ING5: variants seen among roughly 807,000 people sequenced by gnomAD.
ING5 encodes the protein inhibitor of growth protein 5.
ING5 carries 17 observed loss-of-function variants against 37.4 expected under a neutral mutation model. That is an observed-to-expected ratio of 0.45 (90% CI 0.31 to 0.68). The LOEUF is 0.68. Ranked by LOEUF, ING5 falls within the 30% of genes least tolerant of loss-of-function variation. ING5 has a pLI of 0.05. For synonymous variants in ING5, 123 were observed against 116.6 expected (o/e 1.06, Z -0.36); for missense variants, 233 against 311.9 (o/e 0.75, Z 1.91).
At chr2:241,702,822 A>G (rs2069785606) in intron 1 of ING5, among the ~76,000 whole-genome samples, 1 of 152,202 alleles carries the variant, frequency 6.6e-6, no homozygotes, top group African/African-American at 2.4e-5. Flanking sequence ...CCGCTCGTAG[A>G]GGGGCAGACC....
intron 5 of ING5, chr2:241,719,516 C>A: frequency 6.5e-7 from 1 of 1,532,694 alleles, no homozygotes; most frequent in Non-Finnish European, 8.7e-7. Flanking sequence ...CTGCTCCTTC[C>A]TGCTCGGAAC....
Position 241,726,660 on chromosome 2 carries a change from C to CA in ING5, c.*1630dup, listed in dbSNP as rs1366307274. On this transcript the variant is annotated 3_prime_UTR_variant, in exon 8 of 8. Transcript: ENST00000313552. ...GGCCACTGCTGCTGCTCGTCCCTGC[C>CA]AGTGTCTGGGCCTGAAGGGGCTCCC... 6.6e-6 allele frequency: 1 copy of CA among 152,516 alleles called. No homozygotes were observed. The highest frequency in any genetic ancestry group is 1.5e-5 in the Non-Finnish European group (1 of 68,264). 9.4% of individuals were successfully genotyped at this position (152,516 alleles called of 1,614,324 possible).
intron 4 of ING5, 53 bp downstream of exon 4, chr2:241,711,541 T>G: frequency 8.0e-7 from 1 of 1,250,756 alleles, no homozygotes; most frequent in Non-Finnish European, 1.1e-6. Flanking sequence ...TATGGAGTTT[T>G]GAAGAGTTTT....
chr2:241,691,235 TCAA>T (rs2069549459), intron 2 of ING5, among the ~76,000 whole-genome samples: 3 of 149,068 alleles, frequency 2.0e-5, no homozygotes, highest in Non-Finnish European at 4.5e-5. Flanking sequence ...GGTCAGGAGT[TCAA>T]GACCAGCCTA....
intron 1 of ING5, among the ~76,000 whole-genome samples, chr2:241,702,371 C>CT (rs1221725866): frequency 4.8e-5 from 7 of 147,310 alleles, no homozygotes; most frequent in Admixed American, 1.3e-4. Context: ...CTGGGCGGGG[C>CT]TTGCGGCCTC....
chr2:241,697,615 T>C (rs1215506754), upstream of ING5, among the ~76,000 whole-genome samples: 1 of 151,982 alleles, frequency 6.6e-6, no homozygotes, highest in East Asian at 1.9e-4. Context: ...TCCAATTACA[T>C]GACATTCTGG....
At chr2:241,720,434 C>T in intron 5 of ING5, 1 of 1,080,838 alleles carries the variant, frequency 9.3e-7, no homozygotes, top group Non-Finnish European at 1.1e-6. Flanking sequence ...TCCTGGAATG[C>T]AGTGTTCCTA....
At chr2:241,688,874 C>T (rs1250551349) in intron 1 of ING5, among the ~76,000 whole-genome samples, 2 of 152,160 alleles carry the variant, frequency 1.3e-5, no homozygotes, top group Non-Finnish European at 2.9e-5. Context: ...TCTTGGCTCA[C>T]TGCAAGCTCC....
At chr2:241,713,359 A>C (rs2070175591) in intron 5 of ING5, among the ~76,000 whole-genome samples, 3 of 134,740 alleles carry the variant, frequency 2.2e-5, no homozygotes, top group African/African-American at 2.8e-5. Flanking sequence ...CACCCGACCC[A>C]ATTTTCAGTT....
exon 1 of ING5, chr2:241,687,331 G>C (rs1479129187): frequency 7.5e-6 from 3 of 398,592 alleles, no homozygotes; most frequent in African/African-American, 2.1e-5. Flanking sequence ...GCTCAGCCGG[G>C]GCTCCTCCCA....
chr2:241,687,462 T>C, exon 1 of ING5: 1 of 398,458 alleles, frequency 2.5e-6, no homozygotes, highest in Non-Finnish European at 4.4e-6. Context: ...ATGGGATCGA[T>C]AAATGTTCAC....
At position 241,723,177 on chromosome 2, in the gene ING5, G is replaced by T. The variant is rs747584293; in HGVS notation, c.619-33G>T. The T allele has an allele frequency of 2.5e-5, 40 of 1,613,686 alleles. No individual in the cohort carries two copies. The South Asian group carries it at 4.3e-4, about 17-fold the overall frequency. Reference sequence around the variant, plus strand: ...GTGTTTTGCATACAGAACATGAGGCGTGTTGACTGCGGTTTCTCCCTTTAC... The same window carrying T: ...GTGTTTTGCATACAGAACATGAGGCTTGTTGACTGCGGTTTCTCCCTTTAC... On this transcript the variant is annotated intron_variant, in intron 6 of 7. Coordinates refer to ENST00000313552, the MANE Select transcript of ING5 (RefSeq NM_032329.6).
At chr2:241,699,928 C>T (rs1325104640), upstream of ING5, among the ~76,000 whole-genome samples, 2 of 152,160 alleles carry the variant, frequency 1.3e-5, no homozygotes, top group Non-Finnish European at 1.5e-5. Context: ...TGATGCTACA[C>T]AGTTTGGAGG....
intron 4 of ING5, 106 bp downstream of exon 4, chr2:241,711,594 A>G: frequency 1.2e-6 from 1 of 857,978 alleles, no homozygotes; most frequent in Admixed American, 2.9e-5. Flanking sequence ...GGTAAGTATC[A>G]TATTTGGGTA....
chr2:241,694,847 T>C (rs1486926776), intron 2 of ING5, among the ~76,000 whole-genome samples: 3 of 49,174 alleles, frequency 6.1e-5, no homozygotes, highest in African/African-American at 2.2e-4. Flanking sequence ...TGAAAACCGG[T>C]CTCTACTAAA....
intron 5 of ING5, among the ~76,000 whole-genome samples, chr2:241,713,220 C>A (rs1278456765): frequency 6.6e-6 from 1 of 151,588 alleles, no homozygotes; most frequent in African/African-American, 2.4e-5. Flanking sequence ...CCATGCCCGG[C>A]TAAGTTTTTG....
At chr2:241,716,349 A>G (rs1334834908) in intron 5 of ING5, among the ~76,000 whole-genome samples, 2 of 139,034 alleles carry the variant, frequency 1.4e-5, no homozygotes, top group South Asian at 2.2e-4. Flanking sequence ...ACAATTTGCA[A>G]TGGCATGATC....
At chr2:241,698,496 AGTGTGTGTGTGTGTGTGTGTGTGTGTGT>A (rs199798593), upstream of ING5, among the ~76,000 whole-genome samples, 6 of 147,422 alleles carry the variant, frequency 4.1e-5, 1 homozygote, top group East Asian at 4.0e-4. Flanking sequence ...ATAATAGAGG[AGTGTGTGTGTGTGTGTGTGTGTGTGTGT>A]GTGTGTGTGT....
intron 1 of ING5, among the ~76,000 whole-genome samples, chr2:241,688,217 A>G (rs1209025948): frequency 1.3e-5 from 2 of 152,204 alleles, no homozygotes; most frequent in Non-Finnish European, 2.9e-5. Context: ...ATTACAGTCT[A>G]CCAGACGAGG....
Sources: allele counts gnomAD v4.1 joint callset (sites outside exome capture counted in the v4.1 genomes callset), GRCh38; gene constraint gnomAD v4.1.1; transcripts MANE v1.5; gene names NCBI Gene and HGNC (gene_info 2026-07-23, HGNC 2026-07-21).